The following CDH18 variants were observed in gnomAD, a reference collection of about 807,000 sequenced individuals.
CDH18 encodes the protein cadherin 18.
CDH18 carries 31 observed loss-of-function variants against 67.9 expected under a neutral mutation model. The ratio of observed to expected loss-of-function variants is 0.46; its 90% CI spans 0.34 to 0.62. The LOEUF (loss-of-function observed/expected upper bound fraction) is 0.62. Among genes scored for constraint, CDH18 ranks in the 20% least tolerant of loss-of-function variants. The pLI is 0.01. For missense variants in CDH18, 890 were observed against 975.5 expected (o/e 0.91, Z 1.17); for synonymous variants, 362 against 347.2 (o/e 1.04, Z -0.48).
chr5:19,776,995 G>C (rs187580442), intron 3 of CDH18, among the ~76,000 whole-genome samples: 119 of 152,184 alleles, frequency 7.8e-4, no homozygotes, highest in Non-Finnish European at 1.5e-3. Flanking sequence ...TGTTGAGAAA[G>C]AAAATGCAAA....
chr5:19,995,568 T>C (rs1358243924), intron 2 of CDH18, among the ~76,000 whole-genome samples: 1 of 142,958 alleles, frequency 7.0e-6, no homozygotes, highest in Non-Finnish European at 1.5e-5. Context: ...TAGACTAGGA[T>C]ACTACCCTCA....
intron 1 of CDH18, among the ~76,000 whole-genome samples, chr5:20,509,666 G>A (rs966602285): frequency 7.2e-5 from 11 of 152,202 alleles, no homozygotes; most frequent in African/African-American, 1.9e-4. Flanking sequence ...TGATCCGCCC[G>A]CCTTGGCCTC....
intron 1 of CDH18, among the ~76,000 whole-genome samples, chr5:20,572,684 T>G (rs751252785): frequency 1.3e-5 from 2 of 152,128 alleles, no homozygotes; most frequent in Non-Finnish European, 2.9e-5. Context: ...AGTGGTTTGA[T>G]GAGTATAACA....
chr5:20,272,950 T>C (rs1383424460), intron 1 of CDH18, among the ~76,000 whole-genome samples: 1 of 152,080 alleles, frequency 6.6e-6, no homozygotes, highest in African/African-American at 2.4e-5. Flanking sequence ...GCAGTAATGT[T>C]AATGCACACG....
At chr5:20,384,527 A>C (rs1744162911) in intron 1 of CDH18, among the ~76,000 whole-genome samples, 1 of 152,146 alleles carries the variant, frequency 6.6e-6, no homozygotes, top group South Asian at 2.1e-4. Context: ...TGTCTTTGTG[A>C]ATAATGCTAA....
chr5:19,499,140 T>C (rs1302897573), intron 11 of CDH18, among the ~76,000 whole-genome samples: 1 of 152,210 alleles, frequency 6.6e-6, no homozygotes, highest in East Asian at 1.9e-4. Context: ...TAAACTTGTT[T>C]TAGTGAACTC....
chr5:20,023,779 C>T (rs1738650357), intron 2 of CDH18, among the ~76,000 whole-genome samples: 1 of 152,094 alleles, frequency 6.6e-6, no homozygotes, highest in Admixed American at 6.6e-5. Context: ...CCATGACTAT[C>T]CCACAAAACT....
At chr5:20,462,079 A>AT (rs1382479959) in intron 1 of CDH18, among the ~76,000 whole-genome samples, 2 of 152,198 alleles carry the variant, frequency 1.3e-5, no homozygotes, top group Admixed American at 1.3e-4. Context: ...CATGTTTATT[A>AT]TTTCATTATT....
intron 5 of CDH18, among the ~76,000 whole-genome samples, chr5:19,684,144 C>A (rs1267192860): frequency 1.3e-5 from 2 of 152,028 alleles, no homozygotes; most frequent in African/African-American, 4.8e-5. Context: ...GCTGAGAAAT[C>A]TCTCATATTT....
intron 2 of CDH18, among the ~76,000 whole-genome samples, chr5:19,916,430 G>C (rs1298990792): frequency 1.3e-5 from 2 of 152,150 alleles, no homozygotes; most frequent in East Asian, 3.8e-4. Context: ...ACTTGACCTT[G>C]ATATTGAAGA....
chr5:19,507,553 C>T (rs1323320730), intron 10 of CDH18, among the ~76,000 whole-genome samples: 1 of 152,130 alleles, frequency 6.6e-6, no homozygotes, highest in African/African-American at 2.4e-5. Flanking sequence ...GGCATGTATA[C>T]ACCATGAAAT....
chr5:20,211,569 C>T (rs1335785991), intron 2 of CDH18, among the ~76,000 whole-genome samples: 1 of 152,158 alleles, frequency 6.6e-6, no homozygotes, highest in Admixed American at 6.5e-5. Flanking sequence ...CAGGCAGCAA[C>T]ATTTGCTGTT....
At chr5:19,920,510 CTT>C (rs66464033) in intron 2 of CDH18, among the ~76,000 whole-genome samples, 1,077 of 82,992 alleles carry the variant, frequency 0.013, 17 homozygotes, top group African/African-American at 0.036. Context: ...TTTAACCTTA[CTT>C]TTTTTTTTTT....
intron 1 of CDH18, among the ~76,000 whole-genome samples, chr5:20,479,752 C>T (rs902840816): frequency 6.6e-6 from 1 of 151,848 alleles, no homozygotes; most frequent in Non-Finnish European, 1.5e-5. Flanking sequence ...AAGAAATTTT[C>T]AAATCTAGAG....
At chr5:19,799,979 T>G (rs987577099) in intron 3 of CDH18, among the ~76,000 whole-genome samples, 1 of 152,192 alleles carries the variant, frequency 6.6e-6, no homozygotes, top group African/African-American at 2.4e-5. Context: ...CCCATTAAAT[T>G]ATTAAAAGGA....
chr5:20,080,480 A>G (rs1019140926), intron 2 of CDH18, among the ~76,000 whole-genome samples: 2 of 152,216 alleles, frequency 1.3e-5, no homozygotes, highest in African/African-American at 4.8e-5. Flanking sequence ...ATGTGAAGGA[A>G]CAGCTTACAG....
At chr5:20,419,917 CG>C (rs1249213738) in intron 1 of CDH18, among the ~76,000 whole-genome samples, 1 of 150,906 alleles carries the variant, frequency 6.6e-6, no homozygotes, top group African/African-American at 2.5e-5. Context: ...TCAGAAAAAA[CG>C]ACAGATTTCC....
At chr5:19,718,083 CA>C (rs796640722) in intron 5 of CDH18, among the ~76,000 whole-genome samples, 52 of 152,010 alleles carry the variant, frequency 3.4e-4, no homozygotes, top group African/African-American at 1.2e-3. Context: ...CATAGTAACT[CA>C]ACAGCCACAC....
intron 3 of CDH18, among the ~76,000 whole-genome samples, chr5:19,817,959 T>C (rs768307994): frequency 1.3e-5 from 2 of 152,150 alleles, no homozygotes; most frequent in Non-Finnish European, 2.9e-5. Context: ...TTATGGACTC[T>C]AAAATATAAA....
Sources: allele counts gnomAD v4.1 joint callset (sites outside exome capture counted in the v4.1 genomes callset), GRCh38; gene constraint gnomAD v4.1.1; transcripts MANE v1.5; gene names NCBI Gene and HGNC (gene_info 2026-07-23, HGNC 2026-07-21).